SRPK1: variants seen among roughly 807,000 people sequenced by gnomAD.
The protein encoded by SRPK1 is SFRS protein kinase 1.
SRPK1 carries 52 observed loss-of-function variants against 89.5 expected under a neutral mutation model. The observed-to-expected ratio is 0.58, with a 90% confidence interval of 0.46 to 0.73. The LOEUF is 0.73. Among genes scored for constraint, SRPK1 ranks in the 30% least tolerant of loss-of-function variants. SRPK1 has a pLI of 0.00. For synonymous variants in SRPK1, 255 were observed against 270.2 expected, an observed-to-expected ratio of 0.94 and a Z score of 0.55; for missense variants, 603 against 780.6, an observed-to-expected ratio of 0.77 and a Z score of 2.71.
intron 2 of SRPK1, chr6:35,904,729 C>T (rs9470166): frequency 0.32 from 52,179 of 164,424 alleles, 8,545 homozygotes; most frequent in South Asian, 0.41. Flanking sequence ...AACCAGGACC[C>T]GGGAGGTGGA....
chr6:35,894,029 G>GA (rs1184441646), intron 2 of SRPK1, among the ~76,000 whole-genome samples: 1 of 151,842 alleles, frequency 6.6e-6, no homozygotes, highest in Non-Finnish European at 1.5e-5. Flanking sequence ...GAAAAAAAAA[G>GA]AAAAGAAAGA....
intron 6 of SRPK1, among the ~76,000 whole-genome samples, chr6:35,875,508 C>T (rs1383833264): frequency 6.6e-6 from 1 of 152,060 alleles, no homozygotes; most frequent in Non-Finnish European, 1.5e-5. Context: ...GCCACTGCGC[C>T]CGGCCAGACC....
chr6:35,912,272 AC>A (rs756898623), intron 2 of SRPK1, among the ~76,000 whole-genome samples: 4 of 152,168 alleles, frequency 2.6e-5, no homozygotes, highest in Non-Finnish European at 5.9e-5. Flanking sequence ...GAACGCATGC[AC>A]CCAGGAGTTC....
At chr6:35,843,211 G>A (rs890717756) in intron 13 of SRPK1, among the ~76,000 whole-genome samples, 2 of 151,424 alleles carry the variant, frequency 1.3e-5, no homozygotes, top group African/African-American at 4.9e-5. Flanking sequence ...CTCGTGATCT[G>A]CCAACCTTGG....
Position 35,833,915 on chromosome 6 carries a change from G to A in SRPK1, c.*1389C>T, listed in dbSNP as rs1167736578. The stretch of plus-strand genomic sequence containing the variant: ...GGCCCACTTGGTCCATGCTGAAGAA[G>A]CGGCTGTGACCCCAATCCTGCCTCT... On this transcript the variant is annotated 3_prime_UTR_variant, in exon 16 of 16. Coordinates refer to ENST00000373825, the MANE Select transcript of SRPK1 (RefSeq NM_003137.5). 1 of 151,786 alleles carries A rather than the reference G, an allele frequency of 6.6e-6. No individual in the cohort carries two copies. The highest frequency in any genetic ancestry group is 2.4e-5 in the African/African-American group (1 of 41,180). 9.4% of individuals were successfully genotyped at this position (151,786 alleles called of 1,614,324 possible). A position where few individuals can be genotyped will look rare whatever the true frequency, so the allele number is the denominator to read the frequency against.
chr6:35,838,592 C>T, intron 14 of SRPK1, 163 bp from the exon 15 acceptor site: 1 of 1,472,548 alleles, frequency 6.8e-7, no homozygotes. Context: ...CTCTATCCAT[C>T]TAATGGAGAA....
chr6:35,893,468 G>C (rs1581591036), intron 2 of SRPK1, among the ~76,000 whole-genome samples: 3 of 145,832 alleles, frequency 2.1e-5, no homozygotes, highest in South Asian at 4.5e-4. Context: ...ATGGGCGACA[G>C]AGCAAGACCT....
intron 2 of SRPK1, among the ~76,000 whole-genome samples, chr6:35,916,659 C>T (rs901708813): frequency 6.6e-6 from 1 of 151,950 alleles, no homozygotes. Context: ...TATTTAACTG[C>T]AAATAAAGTG....
At chr6:35,855,616 C>T (rs576878059) in intron 13 of SRPK1, among the ~76,000 whole-genome samples, 1 of 152,174 alleles carries the variant, frequency 6.6e-6, no homozygotes, top group African/African-American at 2.4e-5. Flanking sequence ...GATCTATGTC[C>T]CTTTTTCCTG....
intron 2 of SRPK1, among the ~76,000 whole-genome samples, chr6:35,912,540 T>C (rs975166151): frequency 5.9e-5 from 9 of 152,234 alleles, no homozygotes; most frequent in African/African-American, 2.2e-4. Flanking sequence ...ATAACTTTTA[T>C]ATGCATTGGG....
At position 35,870,467 on chromosome 6, in the gene SRPK1, T is replaced by C; in HGVS notation, c.805A>G (p.Lys269Glu). The change falls in exon 10 of 16, where the codon AAG becomes GAG. Residue 269 changes from lysine (K) to glutamate (E), a missense_variant. Transcript: ENST00000373825. ...CGCTTCTGCTTCTTCTTCAATTTCTTCTTCTTATTCTTTGACATTTTGTCA... is the reference window on the plus strand; with the variant it reads ...CGCTTCTGCTTCTTCTTCAATTTCTCCTTCTTATTCTTTGACATTTTGTCA... ...PADKMSKNKK[K>E]KLKKKQKRQA... 1.3e-6 allele frequency: 2 copies of C among 1,551,918 alleles called. No homozygotes were observed. Among genetic ancestry groups the C allele is most frequent in the Non-Finnish European group, 1.7e-6 (2 of 1,147,154 alleles).
At chr6:35,896,193 TG>T (rs778699647) in intron 2 of SRPK1, among the ~76,000 whole-genome samples, 5 of 152,176 alleles carry the variant, frequency 3.3e-5, no homozygotes, top group Admixed American at 6.5e-5. Context: ...GAGGCAGTCT[TG>T]AGGAGTGAAC....
chr6:35,840,062 C>T (rs983827105), intron 14 of SRPK1, among the ~76,000 whole-genome samples: 2 of 152,182 alleles, frequency 1.3e-5, no homozygotes, highest in Admixed American at 1.3e-4. Flanking sequence ...CCACCTCAGC[C>T]TCCTGAAGTG....
intron 5 of SRPK1, 115 bp downstream of exon 5, chr6:35,887,909 G>C (rs1393601914): frequency 1.0e-5 from 7 of 694,746 alleles, no homozygotes; most frequent in African/African-American, 1.8e-5. Flanking sequence ...AAGGTTACTA[G>C]AACTTTATAG....
chr6:35,836,396 C>G lies in SRPK1; in HGVS notation c.1784-908G>C, dbSNP rs1769180845. Among the ~76,000 whole-genome samples the G allele has an allele frequency of 3.3e-5, 5 of 152,092 alleles. No individual in the cohort carries two copies. In the South Asian group the frequency reaches 1.0e-3, roughly 31 times the overall value. On this transcript the variant is annotated intron_variant, in intron 15 of 15. Coordinates refer to ENST00000373825, the MANE Select transcript of SRPK1 (RefSeq NM_003137.5). ...TACTGGAGTATCAACCTAATTGCTT[C>G]TTTGAAGTGACAACTTTTTAAAAGA... is the stretch of plus-strand genomic sequence containing the variant.
intron 13 of SRPK1, among the ~76,000 whole-genome samples, chr6:35,844,555 G>A (rs540429684): frequency 6.6e-6 from 1 of 152,256 alleles, no homozygotes; most frequent in Non-Finnish European, 1.5e-5. Context: ...CGTCCAGAGG[G>A]AGACCACAAA....
At chr6:35,915,450 G>C (rs1581603049) in intron 2 of SRPK1, among the ~76,000 whole-genome samples, 1 of 145,542 alleles carries the variant, frequency 6.9e-6, no homozygotes, top group Non-Finnish European at 1.5e-5. Context: ...ACAAAATTTT[G>C]ACAAAATGAA....
rs543442888 is a variant in SRPK1, at chr6:35,918,420, G to C, written c.74+2048C>G. On this transcript the variant is annotated intron_variant, in intron 2 of 15. Transcript: ENST00000373825. ...GGGGGCTGAGGCAAGAGAATTGCTT[G>C]AATCTGGTAGGTGGAGGTTGCAGTG... Among the ~76,000 whole-genome samples the C allele has an allele frequency of 1.5e-3, 222 of 152,112 alleles. 3 individuals are homozygous for C. The highest frequency in any genetic ancestry group is 5.0e-3 in the African/African-American group (206 of 41,494).
At chr6:35,915,397 A>G (rs1012910118) in intron 2 of SRPK1, among the ~76,000 whole-genome samples, 1 of 130,902 alleles carries the variant, frequency 7.6e-6, no homozygotes, top group Non-Finnish European at 1.6e-5. Flanking sequence ...ACAGAGCAAG[A>G]CACCGTCTCA....
Sources: allele counts gnomAD v4.1 joint callset (sites outside exome capture counted in the v4.1 genomes callset), GRCh38; gene constraint gnomAD v4.1.1; transcripts MANE v1.5; gene names NCBI Gene and HGNC (gene_info 2026-07-23, HGNC 2026-07-21).